FRK: variants seen among roughly 807,000 people sequenced by gnomAD.
The protein encoded by FRK is fyn related Src family tyrosine kinase.
A neutral mutation model predicts 56.4 loss-of-function variants in FRK; 51 were observed. That is an observed-to-expected ratio of 0.90 (90% CI 0.72 to 1.14). The LOEUF (loss-of-function observed/expected upper bound fraction) is 1.14. FRK is among the 50% of genes most tolerant of loss of function. The pLI is 0.00. For synonymous variants in FRK, 245 were observed against 217.9 expected, an observed-to-expected ratio of 1.12 and a Z score of -1.10; for missense variants, 570 against 601.4, an observed-to-expected ratio of 0.95 and a Z score of 0.55.
intron 5 of FRK, among the ~76,000 whole-genome samples, chr6:115,949,287 C>A (rs148372825): frequency 8.7e-4 from 132 of 152,214 alleles, no homozygotes; most frequent in African/African-American, 3.0e-3. Flanking sequence ...CTTTCTCTTG[C>A]CTGATTGTCC....
chr6:115,997,757 A>T (rs1323849782), intron 2 of FRK, among the ~76,000 whole-genome samples: 2 of 152,082 alleles, frequency 1.3e-5, no homozygotes, highest in Non-Finnish European at 1.5e-5. Context: ...GCTCTCATTT[A>T]TGGAGAAAGG....
intron 1 of FRK, chr6:116,039,367 A>C (rs1241973366): frequency 2.8e-5 from 42 of 1,491,330 alleles, no homozygotes; most frequent in Non-Finnish European, 4.7e-6. Flanking sequence ...ACCCGTATCC[A>C]TTTATGGAGG....
chr6:116,006,917 G>A (rs1775267864), intron 1 of FRK, among the ~76,000 whole-genome samples: 1 of 152,152 alleles, frequency 6.6e-6, no homozygotes, highest in Non-Finnish European at 1.5e-5. Flanking sequence ...ATATACCATT[G>A]TAGTAGCATT....
intron 1 of FRK, among the ~76,000 whole-genome samples, chr6:116,058,436 G>A (rs1267663151): frequency 2.0e-5 from 3 of 152,042 alleles, no homozygotes; most frequent in Non-Finnish European, 4.4e-5. Flanking sequence ...CTCAAAACTC[G>A]TCAAACCTCC....
chr6:115,990,863 AGTATAGTC>A (rs1229759451), intron 2 of FRK, among the ~76,000 whole-genome samples: 3 of 151,962 alleles, frequency 2.0e-5, no homozygotes, highest in Admixed American at 1.3e-4. Context: ...TGCCTTGGGC[AGTATAGTC>A]ATTTTAATGA....
chr6:116,080,249 A>G, the FRK span, among the ~76,000 whole-genome samples: 1 of 152,278 alleles, frequency 6.6e-6, no homozygotes, highest in East Asian at 1.9e-4. Context: ...TCCGAATCCC[A>G]GGTTCAAGCA....
At chr6:116,017,053 C>G (rs1426580145) in intron 1 of FRK, among the ~76,000 whole-genome samples, 1 of 152,164 alleles carries the variant, frequency 6.6e-6, no homozygotes, top group Non-Finnish European at 1.5e-5. Context: ...AATTAGTTTA[C>G]TGCTTGCTCC....
the FRK span, among the ~76,000 whole-genome samples, chr6:116,084,409 G>A: frequency 1.1e-4 from 16 of 152,186 alleles, no homozygotes; most frequent in African/African-American, 3.9e-4. Flanking sequence ...ATGGTCTGCA[G>A]TCGGTTCACA....
chr6:115,971,445 CA>C (rs1324988919), intron 2 of FRK, among the ~76,000 whole-genome samples: 1 of 152,126 alleles, frequency 6.6e-6, no homozygotes, highest in Admixed American at 6.6e-5. Flanking sequence ...TTTAGGTGTA[CA>C]ACACTGAATT....
intron 1 of FRK, among the ~76,000 whole-genome samples, chr6:116,024,683 G>A (rs529609889): frequency 2.6e-5 from 4 of 152,162 alleles, no homozygotes; most frequent in South Asian, 2.1e-4. Flanking sequence ...CATTTGGGTC[G>A]GTTCCAAGTC....
At chr6:115,955,576 T>G (rs3798244) in intron 5 of FRK, among the ~76,000 whole-genome samples, 39,842 of 152,038 alleles carry the variant, frequency 0.26, 6,351 homozygotes, top group East Asian at 0.63. Flanking sequence ...ACAGGCCTTA[T>G]TATGTTCTTT....
chr6:116,006,878 A>C (rs1164854141), intron 1 of FRK, among the ~76,000 whole-genome samples: 1 of 152,212 alleles, frequency 6.6e-6, no homozygotes, highest in Non-Finnish European at 1.5e-5. Context: ...TTCAAGGATT[A>C]GAGTAAGTTA....
chr6:116,020,624 AT>A (rs1775841848), intron 1 of FRK, among the ~76,000 whole-genome samples: 1 of 152,070 alleles, frequency 6.6e-6, no homozygotes, highest in African/African-American at 2.4e-5. Context: ...TGCAAACATC[AT>A]TTTGTATCAT....
chr6:115,950,018 T>A (rs989624594), intron 5 of FRK, among the ~76,000 whole-genome samples: 1 of 152,144 alleles, frequency 6.6e-6, no homozygotes, highest in African/African-American at 2.4e-5. Flanking sequence ...TTACACCTTG[T>A]ACAAAAATTA....
Position 115,932,048 on chromosome 6 carries a change from A to T in FRK, c.*10366T>A, listed in dbSNP as rs1771966279. On this transcript the variant is annotated 3_prime_UTR_variant, in exon 8 of 8. Transcript: ENST00000606080. ...ATAAATTAACTACCTAGGCAAGAAG[A>T]GTAAATGGAAATAATTGGGCATCTC... 1 of 152,228 alleles carries T rather than the reference A, an allele frequency of 6.6e-6. No individual in the cohort carries two copies. The highest frequency in any genetic ancestry group is 6.5e-5 in the Admixed American group (1 of 15,284). 9.4% of individuals were successfully genotyped at this position (152,228 alleles called of 1,614,324 possible). A position where few individuals can be genotyped will look rare whatever the true frequency, so the allele number is the denominator to read the frequency against.
intron 2 of FRK, among the ~76,000 whole-genome samples, chr6:115,991,834 C>T (rs1251150229): frequency 6.6e-6 from 1 of 151,574 alleles, no homozygotes; most frequent in Non-Finnish European, 1.5e-5. Flanking sequence ...TGAATAGCTG[C>T]AGTAAGATTG....
intron 2 of FRK, among the ~76,000 whole-genome samples, chr6:115,969,238 A>G (rs978597488): frequency 1.3e-5 from 2 of 152,180 alleles, no homozygotes; most frequent in Admixed American, 6.5e-5. Context: ...ATAATGCATG[A>G]AATTCCACAG....
intron 1 of FRK, among the ~76,000 whole-genome samples, chr6:116,025,243 G>A (rs1324415287): frequency 6.6e-6 from 1 of 152,148 alleles, no homozygotes; most frequent in Non-Finnish European, 1.5e-5. Context: ...ACACATTGCA[G>A]AGGACCAGCT....
chr6:116,084,243 C>T, the FRK span, among the ~76,000 whole-genome samples: 1 of 152,056 alleles, frequency 6.6e-6, no homozygotes, highest in Admixed American at 6.6e-5. Flanking sequence ...CATCTGTTAA[C>T]CAAAAGAAGA....
Sources: gnomAD v4.1 joint callset for allele counts (sites outside exome capture counted in the v4.1 genomes callset) on GRCh38, gnomAD v4.1.1 for gene constraint, MANE v1.5 for transcripts, NCBI Gene and HGNC (gene_info 2026-07-23, HGNC 2026-07-21) for gene names.